The following ADAMTS19 variants were observed in gnomAD, a reference collection of about 807,000 sequenced individuals.
ADAMTS19 encodes ADAM metallopeptidase with thrombospondin type 1 motif 19.
A neutral mutation model predicts 153.3 loss-of-function variants in ADAMTS19; 93 were observed. The ratio of observed to expected loss-of-function variants is 0.61; its 90% CI spans 0.51 to 0.72. The LOEUF (loss-of-function observed/expected upper bound fraction) is 0.72. Ranked by LOEUF, ADAMTS19 falls within the 30% of genes least tolerant of loss-of-function variation. The pLI is 0.00. For synonymous variants in ADAMTS19, 600 were observed against 556.6 expected (o/e 1.08, Z -1.10); for missense variants, 1,482 against 1,552.1 (o/e 0.95, Z 0.76).
At chr5:129,700,400 G>A (rs1459145939) in intron 19 of ADAMTS19, among the ~76,000 whole-genome samples, 3 of 152,252 alleles carry the variant, frequency 2.0e-5, no homozygotes, top group African/African-American at 7.2e-5. Context: ...CCATGTGGGA[G>A]GATATAGCCT....
chr5:129,616,311 A>G lies in ADAMTS19; in HGVS notation c.1479-4307A>G, dbSNP rs537983222. On this transcript the variant is annotated intron_variant, in intron 8 of 22. Coordinates refer to ENST00000274487, the MANE Select transcript of ADAMTS19 (RefSeq NM_133638.6). ...AATCTACTTCCAGTAAGACATTGTAATAGTTTGTTTCTTTCTTTTATTAAT... is the reference window on the plus strand; with the variant it reads ...AATCTACTTCCAGTAAGACATTGTAGTAGTTTGTTTCTTTCTTTTATTAAT... 1.4e-3 allele frequency among the ~76,000 whole-genome samples: 220 copies of G among 152,096 alleles called. 1 individual carries two copies. Among genetic ancestry groups the G allele is most frequent in the Non-Finnish European group, 1.5e-3 (102 of 67,926 alleles).
chr5:129,537,558 A>G (rs1198353099), intron 6 of ADAMTS19, among the ~76,000 whole-genome samples: 4 of 152,050 alleles, frequency 2.6e-5, no homozygotes, highest in Admixed American at 1.3e-4. Flanking sequence ...TGGATTAAGA[A>G]AATGTGGCAC....
chr5:129,736,352 A>G (rs1757665170), intron 22 of ADAMTS19, among the ~76,000 whole-genome samples: 1 of 152,106 alleles, frequency 6.6e-6, no homozygotes, highest in African/African-American at 2.4e-5. Context: ...AAATAGAATA[A>G]TTATATTAGA....
intron 3 of ADAMTS19, among the ~76,000 whole-genome samples, chr5:129,523,994 G>A (rs1253351944): frequency 6.6e-6 from 1 of 151,944 alleles, no homozygotes; most frequent in Non-Finnish European, 1.5e-5. Flanking sequence ...AAAATAGCTC[G>A]TATAGCCAAG....
chr5:129,676,509 C>A (rs1344166832), intron 16 of ADAMTS19, among the ~76,000 whole-genome samples: 2 of 152,004 alleles, frequency 1.3e-5, no homozygotes, highest in East Asian at 3.9e-4. Context: ...ACCTCCCAGT[C>A]AGGGGGTCTG....
chr5:129,580,827 C>T (rs764731034), intron 7 of ADAMTS19, among the ~76,000 whole-genome samples: 7 of 152,102 alleles, frequency 4.6e-5, no homozygotes, highest in Non-Finnish European at 7.3e-5. Flanking sequence ...CTGCTGGATT[C>T]GGTTTGCCAG....
chr5:129,528,443 T>A, intron 5 of ADAMTS19, 77 bp from the exon 6 acceptor site: 1 of 1,215,130 alleles, frequency 8.2e-7, no homozygotes, highest in Non-Finnish European at 1.1e-6. Context: ...AGAGTGCCTT[T>A]GTTATTGTTG....
At chr5:129,540,916 G>A (rs1752634553) in intron 6 of ADAMTS19, among the ~76,000 whole-genome samples, 1 of 151,988 alleles carries the variant, frequency 6.6e-6, no homozygotes, top group East Asian at 1.9e-4. Flanking sequence ...CAGTCTACAT[G>A]AGCCAAAAAT....
chr5:129,493,178 G>T (rs1217430344), intron 2 of ADAMTS19, among the ~76,000 whole-genome samples: 1 of 152,096 alleles, frequency 6.6e-6, no homozygotes, highest in African/African-American at 2.4e-5. Flanking sequence ...TGAGTCATCA[G>T]TGAAGTTTGA....
intron 22 of ADAMTS19, among the ~76,000 whole-genome samples, chr5:129,735,447 G>C (rs1308569102): frequency 2.6e-5 from 4 of 151,970 alleles, no homozygotes; most frequent in Non-Finnish European, 5.9e-5. Context: ...GGAAAGATGA[G>C]ATTGTAGTGT....
chr5:129,466,286 C>T (rs970186221), intron 2 of ADAMTS19, among the ~76,000 whole-genome samples: 1 of 151,866 alleles, frequency 6.6e-6, no homozygotes, highest in Non-Finnish European at 1.5e-5. Context: ...AGCAGGGAAA[C>T]CAAGAAAAGA....
intron 6 of ADAMTS19, among the ~76,000 whole-genome samples, chr5:129,535,773 A>C (rs550079987): frequency 4.2e-4 from 64 of 152,186 alleles, no homozygotes; most frequent in Middle Eastern, 3.4e-3. Flanking sequence ...CTACAACTAT[A>C]TGATCTTTGA....
At chr5:129,536,978 G>A (rs1752457826) in intron 6 of ADAMTS19, among the ~76,000 whole-genome samples, 1 of 151,706 alleles carries the variant, frequency 6.6e-6, no homozygotes, top group South Asian at 2.1e-4. Context: ...GTTAATGGGT[G>A]CAGTGCACCA....
chr5:129,510,661 A>G lies in ADAMTS19; in HGVS notation c.913+1419A>G, dbSNP rs1044944160. On this transcript the variant is annotated intron_variant, in intron 3 of 22. Coordinates refer to ENST00000274487, the MANE Select transcript of ADAMTS19 (RefSeq NM_133638.6). The stretch of plus-strand genomic sequence containing the variant: ...TTGCTTTGTACGAGTTATACTGAAA[A>G]TCTGCACTGTGTAACTTTTGAATAA... 4.6e-5 allele frequency among the ~76,000 whole-genome samples: 7 copies of G among 151,828 alleles called. No homozygotes were observed. The East Asian group carries it at 1.4e-3, about 29-fold the overall frequency.
rs544699625 is a variant in ADAMTS19 at position 129,595,487 on chromosome 5, T to A, written c.1373-1072T>A. 1.6e-4 allele frequency among the ~76,000 whole-genome samples: 25 copies of A among 152,242 alleles called. No homozygotes were observed. The East Asian group carries it at 4.0e-3, about 25-fold the overall frequency. Reference sequence around the variant, plus strand: ...ATTATTTCTTACCATTATGTTTTGTTTCTGGAGACAGAAAAAAGTCACAAG... The same window carrying A: ...ATTATTTCTTACCATTATGTTTTGTATCTGGAGACAGAAAAAAGTCACAAG... On this transcript the variant is annotated intron_variant, in intron 7 of 22. Coordinates refer to ENST00000274487, the MANE Select transcript of ADAMTS19 (RefSeq NM_133638.6).
At chr5:129,690,323 A>T (rs1384102376) in intron 18 of ADAMTS19, among the ~76,000 whole-genome samples, 4 of 152,232 alleles carry the variant, frequency 2.6e-5, no homozygotes, top group Non-Finnish European at 5.9e-5. Context: ...TTATTACTAT[A>T]GTGTAAAGTA....
At chr5:129,560,657 T>A (rs1561571616) in intron 7 of ADAMTS19, among the ~76,000 whole-genome samples, 1 of 152,222 alleles carries the variant, frequency 6.6e-6, no homozygotes, top group East Asian at 1.9e-4. Context: ...CAACCAGAAT[T>A]TTCTCACTGC....
chr5:129,495,869 T>C (rs2126699989), intron 2 of ADAMTS19, among the ~76,000 whole-genome samples: 1 of 152,204 alleles, frequency 6.6e-6, no homozygotes, highest in African/African-American at 2.4e-5. Flanking sequence ...GCTCTTTAGG[T>C]GTATGATCTC....
chr5:129,498,630 T>C (rs1183677672), intron 2 of ADAMTS19, among the ~76,000 whole-genome samples: 1 of 152,028 alleles, frequency 6.6e-6, no homozygotes, highest in Non-Finnish European at 1.5e-5. Flanking sequence ...CCACATATCT[T>C]CCAGAATTAC....
Sources: gnomAD v4.1 joint callset for allele counts (sites outside exome capture counted in the v4.1 genomes callset) on GRCh38, gnomAD v4.1.1 for gene constraint, MANE v1.5 for transcripts, NCBI Gene and HGNC (gene_info 2026-07-23, HGNC 2026-07-21) for gene names.